Variants in STXBP6 observed in about 807,000 individuals in gnomAD.
STXBP6 encodes syntaxin binding protein 6.
In STXBP6, 21 loss-of-function variants were observed where a neutral mutation model predicts 26.9. That is an observed-to-expected ratio of 0.78 (90% CI 0.55 to 1.12). The LOEUF (loss-of-function observed/expected upper bound fraction) is 1.12, where lower values mean the gene tolerates loss of function less well. Among genes scored for constraint, STXBP6 ranks in the 50% most tolerant of loss-of-function variants. STXBP6 has a pLI of 0.00. For missense variants in STXBP6, 232 were observed against 257.9 expected (o/e 0.90, Z 0.69); for synonymous variants, 97 against 92.6 (o/e 1.05, Z -0.27).
At chr14:24,839,675 C>T (rs1469492193) in intron 4 of STXBP6, among the ~76,000 whole-genome samples, 4 of 152,150 alleles carry the variant, frequency 2.6e-5, no homozygotes, top group African/African-American at 9.7e-5. Context: ...TACTCAGCGC[C>T]GGGCACTGTT....
intron 2 of STXBP6, among the ~76,000 whole-genome samples, chr14:24,890,923 C>G (rs2070764102): frequency 6.6e-6 from 1 of 152,212 alleles, no homozygotes; most frequent in South Asian, 2.1e-4. Flanking sequence ...AGCTAACAAT[C>G]AAGTATCAGG....
Position 24,832,152 on chromosome 14 carries a change from A to G in STXBP6, c.452-12958T>C, listed in dbSNP as rs541507341. On this transcript the variant is annotated intron_variant, in intron 4 of 5. Coordinates refer to ENST00000323944, the MANE Select transcript of STXBP6 (RefSeq NM_001394410.1). ...GAACTTCGCCCCATTGAGCATGTAC[A>G]CATGTGCCAGTTTATGATTTCAATA... Among the ~76,000 whole-genome samples the G allele has an allele frequency of 2.6e-5, 4 of 152,304 alleles. No homozygotes were observed. In the East Asian group the frequency reaches 7.7e-4, roughly 29 times the overall value.
At position 25,000,314 on chromosome 14, in the gene STXBP6, C is replaced by T. The variant is rs547384897; in HGVS notation, c.-32-25464G>A. ...TCCTGACCTCGTGATACGCCCGCCT[C>T]GGCCTCCCAAAATGCTGGGATTACA... is the stretch of plus-strand genomic sequence containing the variant. On this transcript the variant is annotated intron_variant, in intron 1 of 5. Coordinates refer to ENST00000323944, the MANE Select transcript of STXBP6 (RefSeq NM_001394410.1). Among the ~76,000 whole-genome samples, 245 of 151,698 alleles carry T rather than the reference C, an allele frequency of 1.6e-3. 1 individual carries two copies. The highest frequency in any genetic ancestry group is 3.5e-3 in the Middle Eastern group (1 of 288).
At chr14:25,035,980 G>C (rs2075542879) in intron 1 of STXBP6, among the ~76,000 whole-genome samples, 1 of 152,124 alleles carries the variant, frequency 6.6e-6, no homozygotes, top group Non-Finnish European at 1.5e-5. Flanking sequence ...CACTTTGGGA[G>C]ACTGAGGTGG....
chr14:24,972,670 T>A (rs1272106430), intron 2 of STXBP6, among the ~76,000 whole-genome samples: 1 of 152,222 alleles, frequency 6.6e-6, no homozygotes, highest in East Asian at 1.9e-4. Context: ...ATTGTTTGCG[T>A]AAGCAGAACT....
chr14:24,851,311 T>C (rs1000235540), intron 4 of STXBP6, among the ~76,000 whole-genome samples: 5 of 151,302 alleles, frequency 3.3e-5, no homozygotes, highest in Admixed American at 2.6e-4. Context: ...CATGTATACA[T>C]GTGCCATGTT....
At chr14:24,976,852 C>CTTTTTTT (rs71121808) in intron 1 of STXBP6, among the ~76,000 whole-genome samples, 500 of 45,266 alleles carry the variant, frequency 0.011, 85 homozygotes, top group East Asian at 0.035. Flanking sequence ...ACTGGGCGCT[C>CTTTTTTT]TTTTTTTTTT....
intron 2 of STXBP6, among the ~76,000 whole-genome samples, chr14:24,952,050 A>T (rs1359728502): frequency 2.0e-5 from 3 of 151,104 alleles, no homozygotes; most frequent in African/African-American, 7.3e-5. Flanking sequence ...ACATATAAAA[A>T]TATTAAAGAA....
intron 1 of STXBP6, among the ~76,000 whole-genome samples, chr14:25,013,928 G>A (rs572063334): frequency 7.9e-5 from 12 of 152,262 alleles, no homozygotes; most frequent in Non-Finnish European, 1.5e-4. Context: ...ATATTTGATT[G>A]TTAGAGAATT....
At chr14:24,960,941 C>A (rs192097771) in intron 2 of STXBP6, among the ~76,000 whole-genome samples, 11 of 152,320 alleles carry the variant, frequency 7.2e-5, no homozygotes, top group Non-Finnish European at 1.5e-5. Context: ...TGAACATGTT[C>A]TTTTTTCTTC....
At chr14:25,033,726 C>A (rs527844560) in intron 1 of STXBP6, among the ~76,000 whole-genome samples, 3 of 152,282 alleles carry the variant, frequency 2.0e-5, no homozygotes, top group Admixed American at 2.0e-4. Flanking sequence ...AACATGTACC[C>A]CCCTGGAGCA....
chr14:24,987,876 A>G (rs1383940811), intron 1 of STXBP6: 3 of 985,424 alleles, frequency 3.0e-6, no homozygotes, highest in Non-Finnish European at 1.2e-6. Flanking sequence ...GGAATAAGAT[A>G]CACACTTACT....
intron 1 of STXBP6, among the ~76,000 whole-genome samples, chr14:24,976,461 A>AAT (rs2074047105): frequency 6.6e-6 from 1 of 152,226 alleles, no homozygotes; most frequent in South Asian, 2.1e-4. Context: ...TATAGATCTA[A>AAT]TACCCACATC....
chr14:25,002,486 A>G (rs1166806683), intron 1 of STXBP6, among the ~76,000 whole-genome samples: 1 of 151,380 alleles, frequency 6.6e-6, no homozygotes, highest in East Asian at 1.9e-4. Context: ...CAGCCTCCCA[A>G]GTAGCTGGGA....
At chr14:25,039,770 G>A (rs1367989754) in intron 1 of STXBP6, among the ~76,000 whole-genome samples, 3 of 151,132 alleles carry the variant, frequency 2.0e-5, no homozygotes, top group Non-Finnish European at 2.9e-5. Flanking sequence ...GCAGTGGCGC[G>A]ATGTCAGTTC....
intron 2 of STXBP6, among the ~76,000 whole-genome samples, chr14:24,950,939 G>A (rs1421215848): frequency 1.3e-5 from 2 of 151,300 alleles, no homozygotes; most frequent in Non-Finnish European, 2.9e-5. Context: ...CCCTCCCTGT[G>A]TCCATGTGTT....
At chr14:25,012,443 TG>T (rs2075052257) in intron 1 of STXBP6, among the ~76,000 whole-genome samples, 2 of 151,962 alleles carry the variant, frequency 1.3e-5, no homozygotes, top group African/African-American at 4.8e-5. Context: ...CTGGCCAATA[TG>T]GCAAAGCCCC....
chr14:25,009,525 A>G (rs558362640), intron 1 of STXBP6, among the ~76,000 whole-genome samples: 28 of 152,232 alleles, frequency 1.8e-4, no homozygotes, highest in Non-Finnish European at 2.6e-4. Context: ...TCAAATGCAC[A>G]GAAAATCTCC....
Position 25,036,214 on chromosome 14 carries a change from CAAAAAAA to C in STXBP6, c.-33+13657_-33+13663del, listed in dbSNP as rs559433301. ...CCTAGGCAACAGAGCAAGACTCCAT[CAAAAAAA>C]AAAAAAAAAAAAAAAAAAAATACAG... On this transcript the variant is annotated intron_variant, in intron 1 of 5. Coordinates refer to ENST00000323944, the MANE Select transcript of STXBP6 (RefSeq NM_001394410.1). Among the ~76,000 whole-genome samples, 626 of 80,712 alleles carry C rather than the reference CAAAAAAA, an allele frequency of 7.8e-3. 4 individuals are homozygous for C. Among genetic ancestry groups the C allele is most frequent in the African/African-American group, 0.019 (531 of 27,628 alleles). 53.0% of individuals were successfully genotyped at this position (80,712 alleles called of 152,430 possible).
Sources: allele counts gnomAD v4.1 joint callset (sites outside exome capture counted in the v4.1 genomes callset), GRCh38; gene constraint gnomAD v4.1.1; transcripts MANE v1.5; gene names NCBI Gene and HGNC (gene_info 2026-07-23, HGNC 2026-07-21).